The following CARF variants were observed in gnomAD, a reference collection of about 807,000 sequenced individuals.
CARF encodes calcium responsive transcription factor, also known as calcium-responsive transcription factor.
A neutral mutation model predicts 82.0 loss-of-function variants in CARF; 57 were observed. The ratio of observed to expected loss-of-function variants is 0.70; its 90% confidence interval spans 0.56 to 0.87. CARF has a LOEUF of 0.87. CARF is among the 40% of genes least tolerant of loss of function. CARF has a pLI of 0.00. For synonymous variants in CARF, 268 were observed against 290.1 expected (o/e 0.92, Z 0.77); for missense variants, 771 against 855.8 (o/e 0.90, Z 1.24).
intron 3 of CARF, among the ~76,000 whole-genome samples, chr2:202,935,182 A>G (rs1241857587): frequency 7.1e-6 from 1 of 141,768 alleles, no homozygotes; most frequent in Non-Finnish European, 1.5e-5. Context: ...ATATAAATAT[A>G]AATTTTATAA....
Position 202,977,333 on chromosome 2 carries a change from G to A in CARF, c.1558+1G>A. ...ACCATGACAGTTACATTTGCAGAAG[G>A]TAGGTTTTCTTGAATACCTTTAAAA... On this transcript the variant is annotated splice_donor_variant, in intron 14 of 16. Transcript: ENST00000438828. LOFTEE classifies it high-confidence loss of function. 1 of 1,608,576 alleles carries A rather than the reference G, an allele frequency of 6.2e-7. No individual in the cohort carries two copies. Among genetic ancestry groups the A allele is most frequent in the Non-Finnish European group, 8.5e-7 (1 of 1,175,566 alleles).
chr2:202,934,370 A>G (rs1191932946), intron 3 of CARF: 1 of 152,186 alleles, frequency 6.6e-6, no homozygotes, highest in East Asian at 1.9e-4. Context: ...GGCTGAGATA[A>G]TTATCATGAG....
intron 1 of CARF, among the ~76,000 whole-genome samples, chr2:202,917,448 C>T (rs1242628763): frequency 6.6e-6 from 1 of 151,928 alleles, no homozygotes; most frequent in Non-Finnish European, 1.5e-5. Context: ...AATTGTAATA[C>T]GCTTGCTTAA....
chr2:202,921,343 A>T (rs961006947), intron 2 of CARF, among the ~76,000 whole-genome samples: 2 of 152,138 alleles, frequency 1.3e-5, no homozygotes, highest in African/African-American at 4.8e-5. Context: ...GATCTATGTA[A>T]ACACCTCAGT....
At chr2:202,978,375 G>A (rs1388091561) in intron 14 of CARF, among the ~76,000 whole-genome samples, 1 of 152,162 alleles carries the variant, frequency 6.6e-6, no homozygotes, top group Admixed American at 6.5e-5. Flanking sequence ...CTTAAAAAGT[G>A]TACCACTTTT....
chr2:202,981,935 C>G (rs1290383346), intron 15 of CARF, 137 bp from the exon 16 acceptor site: 1 of 1,047,238 alleles, frequency 9.5e-7, no homozygotes, highest in East Asian at 2.7e-5. Flanking sequence ...ATTCTTGTTT[C>G]TTTCTTCATT....
At chr2:202,983,293 T>C (rs929999590) in intron 16 of CARF, among the ~76,000 whole-genome samples, 4 of 152,234 alleles carry the variant, frequency 2.6e-5, no homozygotes, top group African/African-American at 7.2e-5. Flanking sequence ...TCTGTCAACA[T>C]AGAAGTAAAC....
intron 2 of CARF, among the ~76,000 whole-genome samples, chr2:202,919,947 T>G (rs1264125133): frequency 6.6e-6 from 1 of 152,184 alleles, no homozygotes; most frequent in South Asian, 2.1e-4. Flanking sequence ...ACTTTTAGCA[T>G]AGTACCTTAC....
At chr2:202,926,723 A>G (rs1379340003) in intron 3 of CARF, among the ~76,000 whole-genome samples, 1 of 152,222 alleles carries the variant, frequency 6.6e-6, no homozygotes, top group Non-Finnish European at 1.5e-5. Context: ...TTATAGACAC[A>G]GTATATGTCA....
At position 202,949,521 on chromosome 2, in the gene CARF, TA is replaced by T. The variant is rs1444838479; in HGVS notation, c.307-3037del. On this transcript the variant is annotated intron_variant, in intron 5 of 16. Transcript: ENST00000438828. Reference sequence around the variant, plus strand: ...ATATGACTTTTTGTTATTTATTTATTATTATTATTATTATTATTATTATTAT... The same window carrying T: ...ATATGACTTTTTGTTATTTATTTATTTTATTATTATTATTATTATTATTAT... 6.0e-4 allele frequency among the ~76,000 whole-genome samples: 39 copies of T among 65,496 alleles called. 1 individual carries two copies. Among genetic ancestry groups the T allele is most frequent in the African/African-American group, 1.9e-3 (23 of 11,832 alleles). 43.0% of individuals were successfully genotyped at this position (65,496 alleles called of 152,430 possible). A position where few individuals can be genotyped will look rare whatever the true frequency, so the allele number is the denominator to read the frequency against.
At chr2:202,922,729 C>T (rs901661155) in intron 2 of CARF, among the ~76,000 whole-genome samples, 5 of 151,372 alleles carry the variant, frequency 3.3e-5, no homozygotes, top group Admixed American at 6.6e-5. Flanking sequence ...CACTTGAACC[C>T]GGTAGGTGAA....
intron 12 of CARF, among the ~76,000 whole-genome samples, chr2:202,974,012 C>T (rs1362957572): frequency 4.6e-5 from 7 of 151,798 alleles, no homozygotes; most frequent in Non-Finnish European, 7.4e-5. Flanking sequence ...CGCTTGAACC[C>T]GGGAGGCAGA....
intron 13 of CARF, 60 bp downstream of exon 13, chr2:202,974,556 G>T: frequency 6.8e-7 from 1 of 1,470,510 alleles, no homozygotes. Flanking sequence ...TTAATATTTA[G>T]TCTAATAAGA....
intron 1 of CARF, among the ~76,000 whole-genome samples, chr2:202,916,665 T>A (rs1245978568): frequency 6.6e-6 from 1 of 152,180 alleles, no homozygotes; most frequent in Admixed American, 6.5e-5. Context: ...ACAATAATAT[T>A]TTAATACACA....
intron 3 of CARF, among the ~76,000 whole-genome samples, chr2:202,933,553 G>C (rs1693350584): frequency 6.6e-6 from 1 of 152,138 alleles, no homozygotes; most frequent in South Asian, 2.1e-4. Context: ...AGTTCTTCCT[G>C]GTTCCTAGCT....
At chr2:202,946,136 T>C (rs958403437) in intron 5 of CARF, among the ~76,000 whole-genome samples, 1 of 151,914 alleles carries the variant, frequency 6.6e-6, no homozygotes, top group Non-Finnish European at 1.5e-5. Flanking sequence ...ATGTTGAAAC[T>C]AGATAAAACT....
chr2:202,939,117 G>C (rs1225012689), intron 3 of CARF, among the ~76,000 whole-genome samples: 1 of 152,056 alleles, frequency 6.6e-6, no homozygotes, highest in Non-Finnish European at 1.5e-5. Flanking sequence ...CATTGAGTAT[G>C]GGTTTCTTTT....
At chr2:202,975,300 C>T (rs181935808) in intron 13 of CARF, among the ~76,000 whole-genome samples, 86 of 152,202 alleles carry the variant, frequency 5.7e-4, no homozygotes, top group Middle Eastern at 3.4e-3. Context: ...AAAAATTAGC[C>T]GGGCATGGTG....
intron 9 of CARF, chr2:202,961,774 C>G: frequency 2.9e-6 from 1 of 344,492 alleles, no homozygotes; most frequent in Non-Finnish European, 5.2e-6. Flanking sequence ...ATATTTTAGC[C>G]TTCTCTCTTA....
Sources: gnomAD v4.1 joint callset for allele counts (sites outside exome capture counted in the v4.1 genomes callset) on GRCh38, gnomAD v4.1.1 for gene constraint, MANE v1.5 for transcripts, NCBI Gene and HGNC (gene_info 2026-07-23, HGNC 2026-07-21) for gene names.